The following NPHS1 variants were observed in gnomAD, a reference collection of about 807,000 sequenced individuals.
NPHS1 encodes the protein NPHS1 adhesion molecule, nephrin.
In NPHS1, 107 loss-of-function variants were observed where a neutral mutation model predicts 139.7. The observed-to-expected ratio is 0.77, with a 90% CI of 0.66 to 0.90. The LOEUF is 0.90. Among genes scored for constraint, NPHS1 ranks in the 40% least tolerant of loss-of-function variants. NPHS1 has a pLI of 0.00. For missense variants in NPHS1, 1,580 were observed against 1,654.2 expected (o/e 0.96, Z 0.78); for synonymous variants, 707 against 706.6 (o/e 1.00, Z -0.01).
At position 35,845,984 on chromosome 19, in the gene NPHS1, G is replaced by A; in HGVS notation, c.1627+24C>T. The stretch of plus-strand genomic sequence containing the variant: ...CTCTGTCCCTCCCGCCCCGCCCCCG[G>A]GCCTCAGCAGTGCGAGCCCTCACAC... On this transcript the variant is annotated intron_variant, in intron 12 of 28. Transcript: ENST00000378910. This position sits in a 1 kb window ranked among gnomAD's most constrained non-coding sequence, Gnocchi z 5.5. 6.4e-7 allele frequency: 1 copy of A among 1,555,360 alleles called. No homozygotes were observed. Among genetic ancestry groups the A allele is most frequent in the Non-Finnish European group, 8.7e-7 (1 of 1,149,236 alleles).
At chr19:35,832,868 C>A (rs1972902536) in intron 23 of NPHS1, among the ~76,000 whole-genome samples, 2 of 108,142 alleles carry the variant, frequency 1.8e-5, no homozygotes, top group East Asian at 2.9e-4. Context: ...GCCTGGGTGA[C>A]AGAATGAGAC....
At position 35,843,496 on chromosome 19, in the gene NPHS1, CG is replaced by C. The variant is rs1568453648; in HGVS notation, c.2309del (p.Pro770ArgfsTer77). ...VCTVDANPIL[P>X]GMFNWERLGE... The stretch of plus-strand genomic sequence containing the variant: ...CCAGTCTCTCCCAGTTGAACATGCC[CG>C]GGAGGATGGGATTGGCATCGACAGT... On this transcript the variant is annotated frameshift_variant, in exon 17 of 29. Transcript: ENST00000378910. LOFTEE classifies it high-confidence loss of function. The C allele has an allele frequency of 6.2e-7, 1 of 1,614,068 alleles. No homozygotes were observed. Among genetic ancestry groups the C allele is most frequent in the Admixed American group, 1.7e-5 (1 of 60,010 alleles).
chr19:35,837,634 C>T (rs547897655), intron 22 of NPHS1, among the ~76,000 whole-genome samples: 2 of 151,184 alleles, frequency 1.3e-5, no homozygotes, highest in African/African-American at 2.4e-5. Context: ...TGGAGTTTTG[C>T]TCTTGTTGCC....
chr19:35,837,030 GAAA>G (rs1972974770), intron 22 of NPHS1, among the ~76,000 whole-genome samples: 1 of 35,730 alleles, frequency 2.8e-5, no homozygotes, highest in African/African-American at 2.0e-4. Context: ...GAAAAGAAAA[GAAA>G]GAAAGAAAGA....
rs1568456267 is a variant in NPHS1, at chr19:35,849,224, GT to G, written c.840+11del. Reference sequence around the variant, plus strand: ...CTGTCCCCCCATTCCCCATGCCCGCGTTTGCCCTCACCTTCAGCCACTGCAG... The same window carrying G: ...CTGTCCCCCCATTCCCCATGCCCGCGTTGCCCTCACCTTCAGCCACTGCAG... On this transcript the variant is annotated intron_variant, in intron 7 of 28. Coordinates refer to ENST00000378910, the MANE Select transcript of NPHS1 (RefSeq NM_004646.4). The G allele has an allele frequency of 6.2e-7, 1 of 1,613,768 alleles. No homozygotes were observed. The highest frequency in any genetic ancestry group is 1.3e-5 in the African/African-American group (1 of 75,046).
intron 14 of NPHS1, 47 bp from the exon 15 acceptor site, chr19:35,844,506 G>A (rs1299606708): frequency 6.5e-7 from 1 of 1,538,342 alleles, no homozygotes; most frequent in Non-Finnish European, 8.7e-7. Context: ...TTAAGGTTAG[G>A]GTCAAGGACA....
chr19:35,836,944 C>G (rs1457217376), intron 22 of NPHS1, among the ~76,000 whole-genome samples: 1 of 145,430 alleles, frequency 6.9e-6, no homozygotes, highest in African/African-American at 2.6e-5. Context: ...TGCAGTGAGC[C>G]GAGATCATGC....
Position 35,851,080 on chromosome 19 carries a change from T to A in NPHS1, c.407A>T (p.Lys136Met), listed in dbSNP as rs561948671. The change falls in exon 4 of 29, where the codon AAG (lysine) becomes ATG (methionine). Residue 136 changes from lysine to methionine, a missense_variant. Lys to Met is a moderately conservative substitution (Grantham distance 95). Coordinates refer to ENST00000378910, the MANE Select transcript of NPHS1 (RefSeq NM_004646.4). ...TGCCTCTGGGGTCAGCAGGAGCAGC[T>A]TGGGAGGAACTGGTGAGAGAAGGGT... is the stretch of plus-strand genomic sequence containing the variant. The part of the protein sequence containing the change: ...RVILSILVPP[K>M]LLLLTPEAGT... The A allele has an allele frequency of 6.2e-6, 10 of 1,613,960 alleles. No homozygotes were observed. Among genetic ancestry groups the A allele is most frequent in the Non-Finnish European group, 8.5e-6 (10 of 1,180,022 alleles).
At chr19:35,827,056 A>G (rs897295462) in intron 28 of NPHS1, among the ~76,000 whole-genome samples, 2 of 151,968 alleles carry the variant, frequency 1.3e-5, no homozygotes, top group African/African-American at 4.8e-5. Context: ...GCTCCCTGCA[A>G]CCTCCACCTT....
At position 35,831,056 on chromosome 19, in the gene NPHS1, G is replaced by A. The variant is rs267606919; in HGVS notation, c.3478C>T (p.Arg1160Ter). 5.5e-5 allele frequency: 89 copies of A among 1,613,914 alleles called. No homozygotes were observed. The highest frequency in any genetic ancestry group is 3.3e-4 in the South Asian group (30 of 91,078). Residue 1160 changes from arginine (R) to a stop codon, truncating the protein, a stop_gained, in exon 27 of 29, where the codon CGA (arginine) becomes TGA (stop). Coordinates refer to ENST00000378910, the MANE Select transcript of NPHS1 (RefSeq NM_004646.4). LOFTEE classifies it high-confidence loss of function. The part of the protein sequence containing the change: ...PPTQEEVSYS[R>*]GFTGEDEDMA... ...TCCTGACATGGTCCTAACTCACCTCGGGAATAAGACACCTCCTCCTGCGTC... is the reference window on the plus strand; with the variant it reads ...TCCTGACATGGTCCTAACTCACCTCAGGAATAAGACACCTCCTCCTGCGTC...
At chr19:35,826,896 G>A (rs1403435308) in intron 28 of NPHS1, among the ~76,000 whole-genome samples, 3 of 152,178 alleles carry the variant, frequency 2.0e-5, no homozygotes, top group Non-Finnish European at 4.4e-5. Context: ...AGCACTTTGG[G>A]ATGCCAAAGC....
At chr19:35,836,350 T>C (rs1204203794) in intron 22 of NPHS1, among the ~76,000 whole-genome samples, 2 of 150,796 alleles carry the variant, frequency 1.3e-5, no homozygotes, top group African/African-American at 4.9e-5. Flanking sequence ...CTCGACCTCC[T>C]GGGTTCAAGC....
Position 35,831,104 on chromosome 19 carries a change from C to A in NPHS1, c.3430G>T (p.Asp1144Tyr). ...EAEPYYRSLRDFSPQLPPTQE... is the reference protein window; with the variant it reads ...EAEPYYRSLRYFSPQLPPTQE... Reference sequence around the variant, plus strand: ...GTCGGGGGCAGCTGGGGGCTGAAGTCCCTCAGGGAGCGGTAATACGGCTCT... The same window carrying A: ...GTCGGGGGCAGCTGGGGGCTGAAGTACCTCAGGGAGCGGTAATACGGCTCT... Residue 1144 changes from aspartate (D) to tyrosine (Y), a missense_variant, in exon 27 of 29, where the codon GAC becomes TAC. Coordinates refer to ENST00000378910, the MANE Select transcript of NPHS1 (RefSeq NM_004646.4). 6.2e-7 allele frequency: 1 copy of A among 1,614,112 alleles called. No homozygotes were observed. The highest frequency in any genetic ancestry group is 2.2e-5 in the East Asian group (1 of 44,886).
rs937801839 is a variant in NPHS1, at chr19:35,845,617, G to C, written c.1757+52C>G. ...GGCACTAGGCGGGGGCGGGACATGCGTGGAGGGGGCGAGGCCAGACCAGAG... is the reference window on the plus strand; with the variant it reads ...GGCACTAGGCGGGGGCGGGACATGCCTGGAGGGGGCGAGGCCAGACCAGAG... On this transcript the variant is annotated intron_variant, in intron 13 of 28. Coordinates refer to ENST00000378910, the MANE Select transcript of NPHS1 (RefSeq NM_004646.4). This position sits in a 1 kb window ranked among gnomAD's most constrained non-coding sequence, Gnocchi z 5.5. The C allele has an allele frequency of 1.2e-6, 2 of 1,607,564 alleles. No individual in the cohort carries two copies. The highest frequency in any genetic ancestry group is 1.1e-5 in the South Asian group (1 of 90,368).
rs1274197944 is a variant in NPHS1, at chr19:35,845,835, T to TA, written c.1628-38dup. 1 of 1,602,356 alleles carries TA rather than the reference T, an allele frequency of 6.2e-7. No individual in the cohort carries two copies. The highest frequency in any genetic ancestry group is 1.7e-5 in the Admixed American group (1 of 59,756). The stretch of plus-strand genomic sequence containing the variant: ...GGTTGGAGGAGCGAGACTCAGAGGT[T>TA]AGGGGCGGCCTGGTCTGCGTCCACC... On this transcript the variant is annotated intron_variant, in intron 12 of 28. Transcript: ENST00000378910. This position sits in a 1 kb window ranked among gnomAD's most constrained non-coding sequence, Gnocchi z 5.5.
At chr19:35,841,181 T>C (rs1164945508) in intron 20 of NPHS1, among the ~76,000 whole-genome samples, 1 of 151,052 alleles carries the variant, frequency 6.6e-6, no homozygotes, top group Non-Finnish European at 1.5e-5. Context: ...GAGACCAGCC[T>C]GGCCAACATG....
Position 35,841,620 on chromosome 19 carries a change from G to A in NPHS1, c.2815+95C>T, listed in dbSNP as rs16970691. ...ATCCTCACACATACACAGAACTTCC[G>A]GTTTCAGAAACATGGGCAGCCCAGG... On this transcript the variant is annotated intron_variant, in intron 20 of 28. Coordinates refer to ENST00000378910, the MANE Select transcript of NPHS1 (RefSeq NM_004646.4). The A allele has an allele frequency of 1.7e-3, 2,483 of 1,464,712 alleles. 42 individuals are homozygous for A. In the African/African-American group the frequency reaches 0.031, roughly 18 times the overall value. 90.7% of individuals were successfully genotyped at this position (1,464,712 alleles called of 1,614,324 possible). A position where few individuals can be genotyped will look rare whatever the true frequency, so the allele number is the denominator to read the frequency against.
At chr19:35,827,689 C>A (rs577914194) in intron 28 of NPHS1, among the ~76,000 whole-genome samples, 45 of 152,276 alleles carry the variant, frequency 3.0e-4, no homozygotes, top group African/African-American at 1.0e-3. Flanking sequence ...GAGGCCAAGG[C>A]AGGTGGATCA....
rs770784558 is a variant in NPHS1 at position 35,851,421 on chromosome 19, G to A, written c.274+36C>T. On this transcript the variant is annotated intron_variant, in intron 2 of 28. Coordinates refer to ENST00000378910, the MANE Select transcript of NPHS1 (RefSeq NM_004646.4). ...GCCGGAAGTCAGGGCCGCAGCTTCC[G>A]CTGGTGGCTGAGGGTCTCAGGCTCT... 1.6e-5 allele frequency: 25 copies of A among 1,612,650 alleles called. No homozygotes were observed. The South Asian group carries it at 1.7e-4, about 11-fold the overall frequency.
Sources: gnomAD v4.1 joint callset for allele counts (sites outside exome capture counted in the v4.1 genomes callset) on GRCh38, gnomAD v4.1.1 for gene constraint, Gnocchi (gnomAD v3.1) non-coding constraint, MANE v1.5 for transcripts, NCBI Gene and HGNC (gene_info 2026-07-23, HGNC 2026-07-21) for gene names.